The following LYPD6 variants were observed in gnomAD, a reference collection of about 807,000 sequenced individuals.
LYPD6 encodes the protein LY6/PLAUR domain containing 6.
LYPD6 carries 15 observed loss-of-function variants against 22.7 expected under a neutral mutation model. The observed-to-expected ratio is 0.66, with a 90% CI of 0.44 to 1.02. LYPD6 has a LOEUF of 1.02. LYPD6 is among the 50% of genes least tolerant of loss of function. LYPD6 has a pLI of 0.00. For synonymous variants in LYPD6, 72 were observed against 77.5 expected (o/e 0.93, Z 0.37); for missense variants, 189 against 208.4 (o/e 0.91, Z 0.57).
chr2:149,332,310 A>G (rs1282796277), intron 1 of LYPD6, among the ~76,000 whole-genome samples: 3 of 152,228 alleles, frequency 2.0e-5, no homozygotes, highest in Admixed American at 6.5e-5. Context: ...CTTGAGTTAG[A>G]AATAATGGAA....
intron 2 of LYPD6, among the ~76,000 whole-genome samples, chr2:149,439,230 T>C (rs1172106119): frequency 6.6e-6 from 1 of 152,206 alleles, no homozygotes; most frequent in African/African-American, 2.4e-5. Context: ...TTTCTTTAGA[T>C]TTCTATTGTC....
intron 1 of LYPD6, among the ~76,000 whole-genome samples, chr2:149,429,921 A>G (rs1043084345): frequency 1.3e-5 from 2 of 152,126 alleles, no homozygotes; most frequent in African/African-American, 4.8e-5. Context: ...TTTCAGCACA[A>G]TTATTCCAGA....
intron 1 of LYPD6, among the ~76,000 whole-genome samples, chr2:149,361,854 A>G (rs566039381): frequency 2.0e-5 from 3 of 152,174 alleles, no homozygotes; most frequent in African/African-American, 7.2e-5. Context: ...AGATGGGGCT[A>G]TTATCTTATT....
chr2:149,335,032 T>C (rs1559115933), intron 1 of LYPD6, among the ~76,000 whole-genome samples: 3 of 152,322 alleles, frequency 2.0e-5, no homozygotes, highest in East Asian at 3.9e-4. Flanking sequence ...CGTACAATTA[T>C]GTACAGTACA....
chr2:149,426,797 C>T (rs575410742), intron 1 of LYPD6, among the ~76,000 whole-genome samples: 4 of 152,112 alleles, frequency 2.6e-5, no homozygotes, highest in East Asian at 3.9e-4. Flanking sequence ...GGCAGAAAAC[C>T]CTTAATAATG....
intron 3 of LYPD6, among the ~76,000 whole-genome samples, chr2:149,467,708 C>T (rs184397557): frequency 5.9e-5 from 9 of 152,158 alleles, no homozygotes; most frequent in East Asian, 3.9e-4. Context: ...AAAAACAGCT[C>T]GGTGACATTT....
At chr2:149,358,732 C>A (rs747173382) in intron 1 of LYPD6, among the ~76,000 whole-genome samples, 4 of 151,892 alleles carry the variant, frequency 2.6e-5, no homozygotes, top group Non-Finnish European at 4.4e-5. Context: ...AGTTTTCCAA[C>A]GTTTTTGGTT....
the LYPD6 span, among the ~76,000 whole-genome samples, chr2:149,482,889 A>G: frequency 1.5e-4 from 23 of 152,292 alleles, no homozygotes; most frequent in Admixed American, 3.9e-4. Flanking sequence ...CTGACTTAAG[A>G]AAAATCCTGG....
chr2:149,389,434 G>A (rs940401088), intron 1 of LYPD6, among the ~76,000 whole-genome samples: 4 of 152,276 alleles, frequency 2.6e-5, no homozygotes, highest in South Asian at 2.1e-4. Flanking sequence ...TGGTTTCAGG[G>A]AGAATGACCA....
chr2:149,408,213 C>T (rs892542586), intron 1 of LYPD6, among the ~76,000 whole-genome samples: 17 of 152,276 alleles, frequency 1.1e-4, no homozygotes, highest in African/African-American at 3.8e-4. Context: ...AGGCAGTCTG[C>T]CCGTTCTCAG....
At chr2:149,366,959 T>C (rs993934939) in intron 1 of LYPD6, among the ~76,000 whole-genome samples, 2 of 152,208 alleles carry the variant, frequency 1.3e-5, no homozygotes, top group Non-Finnish European at 2.9e-5. Context: ...CAAGCCTGTT[T>C]TTAGAGGCTA....
Position 149,422,458 on chromosome 2 carries a change from T to A in LYPD6, c.-71-15180T>A, listed in dbSNP as rs138656685. On this transcript the variant is annotated intron_variant, in intron 1 of 4. Transcript: ENST00000334166. ...CTCTGCTCTGGAGCCCAGCACTTCA[T>A]GTCCTTGCTGTAGTGGTTCCTGGTC... 7.2e-5 allele frequency among the ~76,000 whole-genome samples: 11 copies of A among 152,270 alleles called. No homozygotes were observed. In the East Asian group the frequency reaches 2.1e-3, roughly 30 times the overall value.
chr2:149,431,302 C>T (rs1683307194), intron 1 of LYPD6, among the ~76,000 whole-genome samples: 1 of 152,140 alleles, frequency 6.6e-6, no homozygotes, highest in South Asian at 2.1e-4. Flanking sequence ...TAATACAGTA[C>T]AAAGGCACTG....
At chr2:149,390,799 G>T (rs920074970) in intron 1 of LYPD6, among the ~76,000 whole-genome samples, 17 of 152,178 alleles carry the variant, frequency 1.1e-4, no homozygotes, top group Admixed American at 2.6e-4. Flanking sequence ...CTTTATAGAT[G>T]ATGAACAGAT....
intron 1 of LYPD6, among the ~76,000 whole-genome samples, chr2:149,357,520 C>T (rs978639446): frequency 3.3e-5 from 5 of 152,000 alleles, no homozygotes; most frequent in Middle Eastern, 3.2e-3. Context: ...AAATATATCC[C>T]CAAAGGCTAA....
the LYPD6 span, among the ~76,000 whole-genome samples, chr2:149,484,144 A>C: frequency 6.6e-6 from 1 of 152,236 alleles, no homozygotes; most frequent in African/African-American, 2.4e-5. Context: ...ACTTACTTGA[A>C]TTGGATAAAC....
rs140654668 is a variant in LYPD6 at position 149,472,490 on chromosome 2, C to A, written c.*1640C>A. On this transcript the variant is annotated 3_prime_UTR_variant, in exon 5 of 5. Coordinates refer to ENST00000334166, the MANE Select transcript of LYPD6 (RefSeq NM_194317.5). ...CCTCCATAGAAAAATGTCTCTGGCT[C>A]ATAAAATGAGACTCCCTCAGGGACT... 6.5e-6 allele frequency: 1 copy of A among 152,692 alleles called. No homozygotes were observed. Among genetic ancestry groups the A allele is most frequent in the East Asian group, 1.9e-4 (1 of 5,178 alleles). The allele number at this position is 152,692 out of a possible 1,614,324, so 9.5% of individuals were successfully genotyped here. A position where few individuals can be genotyped will look rare whatever the true frequency, so the allele number is the denominator to read the frequency against.
intron 2 of LYPD6, among the ~76,000 whole-genome samples, chr2:149,445,523 A>AT (rs1293788017): frequency 6.6e-6 from 1 of 152,158 alleles, no homozygotes; most frequent in East Asian, 1.9e-4. Flanking sequence ...TCGTAACTAG[A>AT]TTTTCTGGAT....
chr2:149,391,369 T>G (rs1015283434), intron 1 of LYPD6, among the ~76,000 whole-genome samples: 2 of 151,630 alleles, frequency 1.3e-5, no homozygotes, highest in East Asian at 3.9e-4. Flanking sequence ...CTCCCTTTTT[T>G]CCCCCCCGAT....
Sources: allele counts gnomAD v4.1 joint callset (sites outside exome capture counted in the v4.1 genomes callset), GRCh38; gene constraint gnomAD v4.1.1; transcripts MANE v1.5; gene names NCBI Gene and HGNC (gene_info 2026-07-23, HGNC 2026-07-21).